The following LRP1B variants were observed in gnomAD, a reference collection of about 807,000 sequenced individuals.
LRP1B encodes the protein low-density lipoprotein receptor-related protein 1B.
Under a neutral mutation model 556.6 loss-of-function variants are expected in LRP1B, and 217 were observed. The ratio of observed to expected loss-of-function variants is 0.39; its 90% CI spans 0.35 to 0.44. The LOEUF is 0.44. Ranked by LOEUF, LRP1B falls within the 20% of genes least tolerant of loss-of-function variation. LRP1B has a pLI of 1.00. For synonymous variants in LRP1B, 2,047 were observed against 1,865.8 expected (o/e 1.10, Z -2.50); for missense variants, 5,053 against 5,620.8 (o/e 0.90, Z 3.23).
At chr2:142,036,587 TTAAG>T (rs1473011003) in intron 1 of LRP1B, among the ~76,000 whole-genome samples, 3 of 151,672 alleles carry the variant, frequency 2.0e-5, no homozygotes, top group Admixed American at 6.6e-5. Context: ...AAAAATTTAG[TTAAG>T]TAATATTTTC....
rs536752862 is a variant in LRP1B, at chr2:140,670,555, G to A, written c.6799+29695C>T. Among the ~76,000 whole-genome samples, 88 of 152,268 alleles carry A rather than the reference G, an allele frequency of 5.8e-4. 1 individual carries two copies. The highest frequency in any genetic ancestry group is 6.8e-3 in the Middle Eastern group (2 of 294). On this transcript the variant is annotated intron_variant, in intron 41 of 90. Coordinates refer to ENST00000389484, the MANE Select transcript of LRP1B (RefSeq NM_018557.3). ...GTCCCCAGATCCTCTTTATACTTTAGAAGGCTAGACCCTGCAGAGGATCCT... is the reference window on the plus strand; with the variant it reads ...GTCCCCAGATCCTCTTTATACTTTAAAAGGCTAGACCCTGCAGAGGATCCT...
chr2:141,499,022 C>G (rs1394904278), intron 2 of LRP1B, among the ~76,000 whole-genome samples: 1 of 152,062 alleles, frequency 6.6e-6, no homozygotes, highest in Non-Finnish European at 1.5e-5. Flanking sequence ...GAATTAATGT[C>G]TCTACTCTGA....
At chr2:141,261,403 G>C (rs1573725218) in intron 3 of LRP1B, among the ~76,000 whole-genome samples, 2 of 152,044 alleles carry the variant, frequency 1.3e-5, no homozygotes, top group Admixed American at 1.3e-4. Flanking sequence ...TCTTTCTCAC[G>C]TACAATGCTG....
intron 43 of LRP1B, among the ~76,000 whole-genome samples, chr2:140,548,258 G>A (rs1680420398): frequency 6.6e-6 from 1 of 152,056 alleles, no homozygotes; most frequent in Non-Finnish European, 1.5e-5. Context: ...CTTGATATAA[G>A]GTTTAACTCC....
intron 1 of LRP1B, among the ~76,000 whole-genome samples, chr2:141,882,499 A>G (rs16847501): frequency 0.041 from 6,204 of 152,228 alleles, 221 homozygotes; most frequent in South Asian, 0.15. Context: ...AATTAAGATC[A>G]CATTTGTTGG....
chr2:141,423,710 T>C (rs145836736), intron 3 of LRP1B, among the ~76,000 whole-genome samples: 61 of 152,324 alleles, frequency 4.0e-4, no homozygotes, highest in Admixed American at 1.5e-3. Flanking sequence ...ACTTTCAGAA[T>C]GTGTGGATTC....
chr2:141,113,347 T>C (rs778738924), intron 7 of LRP1B, among the ~76,000 whole-genome samples: 15 of 152,160 alleles, frequency 9.9e-5, no homozygotes, highest in Non-Finnish European at 2.1e-4. Context: ...TAAAAAGCTT[T>C]CTTAAATAAG....
At chr2:141,278,942 G>A (rs1246159883) in intron 3 of LRP1B, among the ~76,000 whole-genome samples, 4 of 152,114 alleles carry the variant, frequency 2.6e-5, no homozygotes, top group African/African-American at 9.7e-5. Flanking sequence ...AGTGGAGCTA[G>A]AAGAAAACAC....
chr2:140,439,149 A>G (rs1379084513), intron 66 of LRP1B, among the ~76,000 whole-genome samples: 1 of 152,192 alleles, frequency 6.6e-6, no homozygotes, highest in Non-Finnish European at 1.5e-5. Flanking sequence ...AGTTCTTGAA[A>G]TAGGAGAGAG....
At chr2:141,051,219 C>G (rs1024489553) in intron 10 of LRP1B, among the ~76,000 whole-genome samples, 12 of 152,008 alleles carry the variant, frequency 7.9e-5, no homozygotes, top group Non-Finnish European at 1.3e-4. Flanking sequence ...GACAGTGTGG[C>G]GATCCCTCAA....
intron 43 of LRP1B, among the ~76,000 whole-genome samples, chr2:140,593,651 T>G (rs1446588842): frequency 6.6e-6 from 1 of 152,094 alleles, no homozygotes; most frequent in Admixed American, 6.6e-5. Context: ...TTTTTATCAA[T>G]GCAAGTCAAA....
At chr2:140,918,039 A>T (rs1224976018) in intron 21 of LRP1B, among the ~76,000 whole-genome samples, 4 of 152,106 alleles carry the variant, frequency 2.6e-5, no homozygotes, top group African/African-American at 9.7e-5. Flanking sequence ...TTTAGAAGTC[A>T]TAAACATTTT....
At position 140,700,360 on chromosome 2, in the gene LRP1B, T is replaced by C. The variant is rs1686588029; in HGVS notation, c.6689A>G (p.Asp2230Gly). Residue 2230 changes from aspartate (D) to glycine (G), a missense_variant, in exon 41 of 91, where the codon GAC becomes GGC. Transcript: ENST00000389484. ...YFKNVIALAF[D>G]YNQRRKGTNR... ...GGTACCTTTTCTTCTTTGATTATAG[T>C]CAAAAGCCAAGGCTATGACATTCTT... The C allele has an allele frequency of 6.2e-7, 1 of 1,613,310 alleles. No individual in the cohort carries two copies. Among genetic ancestry groups the C allele is most frequent in the East Asian group, 2.2e-5 (1 of 44,858 alleles).
At chr2:141,211,542 G>A (rs6753102) in intron 6 of LRP1B, among the ~76,000 whole-genome samples, 58,126 of 151,588 alleles carry the variant, frequency 0.38, 11,605 homozygotes, top group East Asian at 0.71. Flanking sequence ...GCTTGAACCC[G>A]GGAGGCAGAG....
intron 31 of LRP1B, among the ~76,000 whole-genome samples, chr2:140,828,013 C>G (rs1308839595): frequency 6.6e-6 from 1 of 151,940 alleles, no homozygotes; most frequent in African/African-American, 2.4e-5. Context: ...ATACTGTACC[C>G]AGAAAGCTTT....
intron 58 of LRP1B, 149 bp downstream of exon 58, chr2:140,487,468 A>T: frequency 1.7e-6 from 1 of 586,662 alleles, no homozygotes; most frequent in Non-Finnish European, 2.8e-6. Context: ...TTTCATATTT[A>T]AAGTTTTAAT....
intron 3 of LRP1B, among the ~76,000 whole-genome samples, chr2:141,322,149 T>C (rs1259855321): frequency 2.0e-5 from 3 of 152,110 alleles, no homozygotes; most frequent in Admixed American, 6.6e-5. Flanking sequence ...ACTTAAATCT[T>C]ATTCCCAGCA....
At chr2:140,239,689 A>G (rs1295222577) in intron 87 of LRP1B, among the ~76,000 whole-genome samples, 157 bp from the exon 88 acceptor site, 2 of 150,910 alleles carry the variant, frequency 1.3e-5, no homozygotes, top group East Asian at 3.9e-4. Context: ...GTTATTGGAA[A>G]ATCATTCTTC....
chr2:141,375,553 G>A (rs1428534886), intron 3 of LRP1B, among the ~76,000 whole-genome samples: 3 of 152,116 alleles, frequency 2.0e-5, no homozygotes, highest in Non-Finnish European at 2.9e-5. Flanking sequence ...CAGTCCCACA[G>A]CTCCAGTCCC....
Sources: allele counts gnomAD v4.1 joint callset (sites outside exome capture counted in the v4.1 genomes callset), GRCh38; gene constraint gnomAD v4.1.1; transcripts MANE v1.5; gene names NCBI Gene and HGNC (gene_info 2026-07-23, HGNC 2026-07-21).